The following SPMIP2 variants were observed in gnomAD, a reference collection of about 807,000 sequenced individuals.
The protein encoded by SPMIP2 is sperm microtubule inner protein 2.
chr4:159,046,019 G>A, the SPMIP2 span, among the ~76,000 whole-genome samples: 3 of 152,204 alleles, frequency 2.0e-5, no homozygotes, highest in African/African-American at 7.2e-5. Context: ...GAAAGCCGAG[G>A]CGGGCAAATC....
chr4:159,062,697 G>T, the SPMIP2 span, among the ~76,000 whole-genome samples: 1 of 95,148 alleles, frequency 1.1e-5, no homozygotes, highest in African/African-American at 3.6e-5. Context: ...TTGAAACAGG[G>T]TCTCTCTCTC....
the SPMIP2 span, among the ~76,000 whole-genome samples, chr4:159,058,097 T>G: frequency 6.6e-6 from 1 of 151,946 alleles, no homozygotes; most frequent in African/African-American, 2.4e-5. Context: ...TGGGCTGAAG[T>G]GATCCACCGT....
At chr4:158,994,382 C>T in the SPMIP2 span, among the ~76,000 whole-genome samples, 2 of 152,168 alleles carry the variant, frequency 1.3e-5, no homozygotes, top group African/African-American at 4.8e-5. Context: ...CCAGAACTGC[C>T]TTAAAACCCT....
At chr4:158,979,501 T>C in the SPMIP2 span, among the ~76,000 whole-genome samples, 1 of 152,132 alleles carries the variant, frequency 6.6e-6, no homozygotes, top group Non-Finnish European at 1.5e-5. Flanking sequence ...GGTGGGTGAT[T>C]TCTGCATTTC....
At chr4:159,041,434 G>A in the SPMIP2 span, among the ~76,000 whole-genome samples, 3 of 152,172 alleles carry the variant, frequency 2.0e-5, no homozygotes, top group African/African-American at 7.2e-5. Flanking sequence ...ATAAATGCAT[G>A]AGTTGTCATC....
At chr4:158,969,043 T>C in the SPMIP2 span, among the ~76,000 whole-genome samples, 1 of 152,156 alleles carries the variant, frequency 6.6e-6, no homozygotes, top group Non-Finnish European at 1.5e-5. Context: ...AAATATATAA[T>C]ATATTGGTTA....
the SPMIP2 span, among the ~76,000 whole-genome samples, chr4:158,963,899 C>T: frequency 1.8e-4 from 28 of 152,164 alleles, no homozygotes; most frequent in African/African-American, 5.8e-4. Flanking sequence ...CGGTGGCTCA[C>T]GCCTGTAATC....
the SPMIP2 span, among the ~76,000 whole-genome samples, chr4:159,079,645 T>C: frequency 1.3e-5 from 2 of 152,218 alleles, no homozygotes; most frequent in South Asian, 4.1e-4. Context: ...AGATCAACCA[T>C]ATATTTAAAG....
At chr4:158,944,000 C>T in the SPMIP2 span, among the ~76,000 whole-genome samples, 23 of 151,586 alleles carry the variant, frequency 1.5e-4, no homozygotes, top group Admixed American at 4.6e-4. Flanking sequence ...GGACTACAGG[C>T]GCCCGCCACC....
the SPMIP2 span, among the ~76,000 whole-genome samples, chr4:158,960,119 T>C: frequency 1.3e-5 from 2 of 152,114 alleles, no homozygotes; most frequent in Admixed American, 1.3e-4. Flanking sequence ...TAGCAGATAG[T>C]GCATATTTAC....
chr4:159,068,830 T>C, the SPMIP2 span, among the ~76,000 whole-genome samples: 2 of 152,132 alleles, frequency 1.3e-5, no homozygotes, highest in African/African-American at 2.4e-5. Context: ...AAAAGACATA[T>C]TATTTACAAA....
chr4:159,021,214 T>G, the SPMIP2 span, among the ~76,000 whole-genome samples: 9 of 152,224 alleles, frequency 5.9e-5, no homozygotes, highest in African/African-American at 2.2e-4. Context: ...CTAGATGTTA[T>G]GAATAAATCT....
the SPMIP2 span, among the ~76,000 whole-genome samples, chr4:159,025,103 C>A: frequency 6.6e-6 from 1 of 152,156 alleles, no homozygotes; most frequent in Non-Finnish European, 1.5e-5. Context: ...TAGTTTAGAT[C>A]CTTGCTACTC....
chr4:158,897,889 T>A, the SPMIP2 span, among the ~76,000 whole-genome samples: 1 of 152,224 alleles, frequency 6.6e-6, no homozygotes, highest in African/African-American at 2.4e-5. Flanking sequence ...TTGCTTTTGG[T>A]GTTTTAGTCA....
the SPMIP2 span, among the ~76,000 whole-genome samples, chr4:158,902,980 C>T: frequency 2.0e-5 from 3 of 152,170 alleles, no homozygotes; most frequent in South Asian, 6.2e-4. Flanking sequence ...AGCCCCCTTT[C>T]CAGGGGAGTG....
chr4:158,943,483 C>T, the SPMIP2 span, among the ~76,000 whole-genome samples: 4 of 152,144 alleles, frequency 2.6e-5, no homozygotes, highest in Non-Finnish European at 5.9e-5. Context: ...CTCTATAGGA[C>T]AGAATTTTTT....
the SPMIP2 span, among the ~76,000 whole-genome samples, chr4:158,927,908 G>A: frequency 3.9e-5 from 6 of 152,210 alleles, no homozygotes; most frequent in East Asian, 5.8e-4. Flanking sequence ...CGCTGCACTC[G>A]ATTTCTCGGC....
the SPMIP2 span, among the ~76,000 whole-genome samples, chr4:158,984,114 AC>A: frequency 3.9e-5 from 5 of 127,154 alleles, no homozygotes; most frequent in Admixed American, 4.4e-4. Flanking sequence ...ATATATATGC[AC>A]CCAATACAGG....
chr4:158,906,004 T>G, the SPMIP2 span: 1 of 152,246 alleles, frequency 6.6e-6, no homozygotes, highest in Admixed American at 6.5e-5. Flanking sequence ...GTTTTTTCAT[T>G]TGATAAAAAT....
Sources: allele counts gnomAD v4.1 joint callset (sites outside exome capture counted in the v4.1 genomes callset), GRCh38; gene constraint gnomAD v4.1.1; transcripts MANE v1.5; gene names NCBI Gene and HGNC (gene_info 2026-07-23, HGNC 2026-07-21).